The following WDFY3 variants were observed in gnomAD, a reference collection of about 807,000 sequenced individuals.
WDFY3 encodes the protein WD repeat and FYVE domain containing 3.
WDFY3 carries 66 observed loss-of-function variants against 409.6 expected under a neutral mutation model. That is an observed-to-expected ratio of 0.16 (90% CI 0.13 to 0.20). The LOEUF (loss-of-function observed/expected upper bound fraction) is 0.20. WDFY3 is among the 10% of genes least tolerant of loss of function. WDFY3 has a pLI of 1.00. For missense variants in WDFY3, 3,031 were observed against 4,298.1 expected, an observed-to-expected ratio of 0.71 and a Z score of 8.24; for synonymous variants, 1,521 against 1,537.1, an observed-to-expected ratio of 0.99 and a Z score of 0.25.
chr4:84,736,994 TAAAAA>T (rs200364139), intron 41 of WDFY3, among the ~76,000 whole-genome samples, 185 bp downstream of exon 41: 1 of 114,550 alleles, frequency 8.7e-6, no homozygotes, highest in Admixed American at 9.4e-5. Flanking sequence ...CCTCAGATGC[TAAAAA>T]AAAAAAAAAA....
intron 45 of WDFY3, among the ~76,000 whole-genome samples, 193 bp from the exon 46 acceptor site, chr4:84,724,787 G>T (rs530382967): frequency 2.2e-4 from 33 of 152,226 alleles, no homozygotes; most frequent in Admixed American, 1.9e-3. Flanking sequence ...TTTTTTAAAA[G>T]ACATACATAA....
chr4:84,757,850 G>A (rs1431269449), intron 32 of WDFY3, among the ~76,000 whole-genome samples: 20 of 152,282 alleles, frequency 1.3e-4, no homozygotes, highest in Non-Finnish European at 1.0e-4. Context: ...AAGACTAAAT[G>A]AGTAAGTAAA....
In WDFY3 at chr4:84,737,338, G is replaced by A; in HGVS notation, c.6603C>T (p.Asn2201=). ...TATGTATCAGTTCAGTCCAAACTCT[G>A]TTGACAGCTTTTATGAGAAGCTGAC... ...EGRQLLIKAV[N]RVWTELIHSK... The change falls in exon 41 of 68, where the codon AAC becomes AAT. Residue 2201 remains asparagine (N), a synonymous_variant. Coordinates refer to ENST00000295888, the MANE Select transcript of WDFY3 (RefSeq NM_014991.6). 1.3e-6 allele frequency: 2 copies of A among 1,587,116 alleles called. No individual in the cohort carries two copies. The highest frequency in any genetic ancestry group is 1.7e-6 in the Non-Finnish European group (2 of 1,167,318).
intron 3 of WDFY3, among the ~76,000 whole-genome samples, chr4:84,892,172 T>C (rs1765041424): frequency 6.6e-6 from 1 of 152,028 alleles, no homozygotes; most frequent in Non-Finnish European, 1.5e-5. Context: ...AAATAATTTA[T>C]CATGTTTTGG....
At chr4:84,922,624 C>G (rs1384661097) in intron 2 of WDFY3, among the ~76,000 whole-genome samples, 1 of 149,998 alleles carries the variant, frequency 6.7e-6, no homozygotes, top group African/African-American at 2.5e-5. Flanking sequence ...TTTTTTTAAT[C>G]TTATTGCTTT....
At chr4:84,848,116 C>T (rs892759563) in intron 5 of WDFY3, among the ~76,000 whole-genome samples, 1 of 151,344 alleles carries the variant, frequency 6.6e-6, no homozygotes, top group African/African-American at 2.4e-5. Flanking sequence ...GAAACTTTGC[C>T]CAAATTAAAG....
chr4:84,866,370 G>T (rs1211998502), intron 3 of WDFY3, among the ~76,000 whole-genome samples: 1 of 152,176 alleles, frequency 6.6e-6, no homozygotes, highest in African/African-American at 2.4e-5. Context: ...CTTCCCAAAG[G>T]TGGATCAAAA....
intron 3 of WDFY3, among the ~76,000 whole-genome samples, chr4:84,895,670 A>G (rs1188258722): frequency 2.0e-5 from 3 of 152,188 alleles, no homozygotes; most frequent in Non-Finnish European, 4.4e-5. Flanking sequence ...ATATAGTGTG[A>G]TATGTGGGAT....
At chr4:84,677,961 C>CAAAAAAAAAAAAAAA (rs986393073) in intron 66 of WDFY3, among the ~76,000 whole-genome samples, 1 of 21,182 alleles carries the variant, frequency 4.7e-5, no homozygotes, top group Non-Finnish European at 9.3e-5. Context: ...GACCCTGTCT[C>CAAAAAAAAAAAAAAA]AAAAAAAAAA....
chr4:84,721,309 G>C (rs562757382), intron 47 of WDFY3, 100 bp downstream of exon 47: 808 of 1,470,686 alleles, frequency 5.5e-4, no homozygotes, highest in Non-Finnish European at 7.0e-4. Flanking sequence ...TATTACCGAG[G>C]CTAATGCATT....
chr4:84,783,164 A>C, intron 24 of WDFY3, 90 bp from the exon 25 acceptor site: 1 of 1,170,378 alleles, frequency 8.5e-7, no homozygotes, highest in East Asian at 2.4e-5. Context: ...GAATGGTAAC[A>C]TATCTTTTCT....
At chr4:84,921,250 T>C (rs2150858751) in intron 2 of WDFY3, among the ~76,000 whole-genome samples, 1 of 152,168 alleles carries the variant, frequency 6.6e-6, no homozygotes, top group South Asian at 2.1e-4. Context: ...TCAGTGCCTT[T>C]TATACAAATA....
chr4:84,789,367 TACA>T (rs1212019879), intron 22 of WDFY3, among the ~76,000 whole-genome samples: 4 of 152,114 alleles, frequency 2.6e-5, no homozygotes, highest in Admixed American at 2.0e-4. Flanking sequence ...TGGACTAAAT[TACA>T]ACAACAATAA....
intron 15 of WDFY3, 146 bp from the exon 16 acceptor site, chr4:84,803,613 C>CG: frequency 2.3e-6 from 2 of 866,182 alleles, no homozygotes; most frequent in Middle Eastern, 2.3e-4. Context: ...ATTATCAACT[C>CG]GAGTTGATAT....
At chr4:84,784,234 C>T (rs1011083160) in intron 24 of WDFY3, among the ~76,000 whole-genome samples, 4 of 152,180 alleles carry the variant, frequency 2.6e-5, no homozygotes, top group Non-Finnish European at 5.9e-5. Flanking sequence ...TTCCATTTCC[C>T]TATCTACATC....
intron 21 of WDFY3, among the ~76,000 whole-genome samples, chr4:84,791,294 A>T (rs1295754682): frequency 6.6e-6 from 1 of 152,222 alleles, no homozygotes; most frequent in African/African-American, 2.4e-5. Flanking sequence ...TGAAATAGCC[A>T]GTCATAGAAA....
intron 32 of WDFY3, among the ~76,000 whole-genome samples, chr4:84,758,824 A>G (rs1741935817): frequency 6.6e-6 from 1 of 152,194 alleles, no homozygotes; most frequent in Non-Finnish European, 1.5e-5. Context: ...TTTACAACAT[A>G]GAAAACATGA....
chr4:84,752,632 C>CCAAG (rs955944212), intron 35 of WDFY3, among the ~76,000 whole-genome samples: 3 of 151,342 alleles, frequency 2.0e-5, no homozygotes, highest in African/African-American at 7.3e-5. Context: ...TATAAACAAG[C>CCAAG]CAAGGTATTA....
At chr4:84,750,002 G>A (rs1270189451) in intron 36 of WDFY3, among the ~76,000 whole-genome samples, 1 of 152,186 alleles carries the variant, frequency 6.6e-6, no homozygotes, top group Non-Finnish European at 1.5e-5. Context: ...TCAGGTACCA[G>A]AAGCTTGAAA....
Sources: gnomAD v4.1 joint callset for allele counts (sites outside exome capture counted in the v4.1 genomes callset) on GRCh38, gnomAD v4.1.1 for gene constraint, MANE v1.5 for transcripts, NCBI Gene and HGNC (gene_info 2026-07-23, HGNC 2026-07-21) for gene names.